The following RSF1 variants were observed in gnomAD, a reference collection of about 807,000 sequenced individuals.
RSF1 encodes HBV pX-associated protein 8.
A neutral mutation model predicts 145.2 loss-of-function variants in RSF1; 13 were observed. The ratio of observed to expected loss-of-function variants is 0.09; its 90% CI spans 0.06 to 0.14. The LOEUF (loss-of-function observed/expected upper bound fraction) is 0.14, where lower values mean the gene tolerates loss of function less well. RSF1 is among the 10% of genes least tolerant of loss of function. The pLI, the probability that RSF1 is intolerant of heterozygous loss-of-function variation, is 1.00. For missense variants in RSF1, 1,517 were observed against 1,718.2 expected, an observed-to-expected ratio of 0.88 and a Z score of 2.07; for synonymous variants, 577 against 592.6, an observed-to-expected ratio of 0.97 and a Z score of 0.38.
intron 2 of RSF1, among the ~76,000 whole-genome samples, chr11:77,755,280 G>GT (rs930954297): frequency 1.1e-4 from 16 of 152,328 alleles, no homozygotes; most frequent in Admixed American, 7.2e-4. Context: ...TCAGAGAGAA[G>GT]TAAGCTGTGG....
chr11:77,739,314 A>G (rs1173855363), intron 4 of RSF1: 1 of 152,668 alleles, frequency 6.6e-6, no homozygotes, highest in Non-Finnish European at 1.5e-5. Context: ...CTTCATCTAC[A>G]AAGAAGAAAA....
At chr11:77,820,397 C>T (rs963037122) in intron 1 of RSF1, 131 bp downstream of exon 1, 31 of 975,820 alleles carry the variant, frequency 3.2e-5, no homozygotes, top group Non-Finnish European at 4.4e-5. Context: ...ACCAGCCCGG[C>T]GGAGTTGCGT....
Position 77,676,967 on chromosome 11 carries a change from T to C in RSF1, c.3166A>G (p.Thr1056Ala). ...GAGATGTCTTTCCCACGATGACCTG[T>C]GATGGTGGAGATATCTTTTCCTCGG... is the stretch of plus-strand genomic sequence containing the variant. The part of the protein sequence containing the change: ...VGRGKDISTI[T>A]GHRGKDISTI... The change falls in exon 13 of 16, where the codon ACA becomes GCA. Residue 1056 changes from threonine to alanine, a missense_variant. Thr to Ala is a moderately conservative substitution (Grantham distance 58, BLOSUM62 0). Coordinates refer to ENST00000308488, the MANE Select transcript of RSF1 (RefSeq NM_016578.4). 1 of 1,613,562 alleles carries C rather than the reference T, an allele frequency of 6.2e-7. No individual in the cohort carries two copies. Among genetic ancestry groups the C allele is most frequent in the Non-Finnish European group, 8.5e-7 (1 of 1,179,726 alleles).
intron 5 of RSF1, among the ~76,000 whole-genome samples, chr11:77,718,602 G>T (rs1484423345): frequency 6.6e-6 from 1 of 152,180 alleles, no homozygotes; most frequent in Non-Finnish European, 1.5e-5. Flanking sequence ...TATGGTTAAA[G>T]AATTCTCACA....
intron 1 of RSF1, among the ~76,000 whole-genome samples, chr11:77,797,527 A>C (rs565561531): frequency 1.3e-5 from 2 of 152,308 alleles, no homozygotes; most frequent in Admixed American, 6.5e-5. Flanking sequence ...TGGATCAAAG[A>C]CTTAAATGTG....
At chr11:77,676,130 TCTCATAC>T (rs770209592) in intron 13 of RSF1, among the ~76,000 whole-genome samples, 4 of 152,212 alleles carry the variant, frequency 2.6e-5, no homozygotes, top group Admixed American at 6.5e-5. Flanking sequence ...CTGCTTTTAG[TCTCATAC>T]TTGTTGATTC....
intron 4 of RSF1, among the ~76,000 whole-genome samples, chr11:77,726,799 TCCTTTC>T (rs1961064710): frequency 6.6e-6 from 1 of 152,178 alleles, no homozygotes; most frequent in Non-Finnish European, 1.5e-5. Context: ...GCTCCTACCC[TCCTTTC>T]CCTTTCCAAT....
At chr11:77,721,510 T>C (rs1036940316) in intron 5 of RSF1, among the ~76,000 whole-genome samples, 3 of 152,192 alleles carry the variant, frequency 2.0e-5, no homozygotes, top group African/African-American at 7.2e-5. Context: ...TTTTGAATAT[T>C]AGGTCTGCCA....
At chr11:77,729,344 G>A (rs921119764) in intron 4 of RSF1, among the ~76,000 whole-genome samples, 2 of 152,076 alleles carry the variant, frequency 1.3e-5, no homozygotes, top group African/African-American at 2.4e-5. Flanking sequence ...TTTAGTTTTG[G>A]GCAGACTGGT....
In RSF1 at chr11:77,769,119, G is replaced by A. The variant is rs558915469; in HGVS notation, c.188-4430C>T. Among the ~76,000 whole-genome samples, 439 of 152,086 alleles carry A rather than the reference G, an allele frequency of 2.9e-3. 5 individuals carry two copies. The highest frequency in any genetic ancestry group is 0.01 in the African/African-American group (418 of 41,508). On this transcript the variant is annotated intron_variant, in intron 1 of 15. Transcript: ENST00000308488. Reference sequence around the variant, plus strand: ...GTCGCCCAGGCTGGAGTGCAGTGGCGCAATCTCAGCTCACTAGAACCTCCA... The same window carrying A: ...GTCGCCCAGGCTGGAGTGCAGTGGCACAATCTCAGCTCACTAGAACCTCCA...
In RSF1 at chr11:77,666,475, T is replaced by C. The variant is rs1365537748; in HGVS notation, c.*442A>G. On this transcript the variant is annotated 3_prime_UTR_variant, in exon 16 of 16. Transcript: ENST00000308488. ...TGTAAATCATCATCTATGCCATGAA[T>C]GTTTAAATATAATATATATTTAATA... 4 of 152,680 alleles carry C rather than the reference T, an allele frequency of 2.6e-5. No homozygotes were observed. The highest frequency in any genetic ancestry group is 9.7e-5 in the African/African-American group (4 of 41,434). 9.5% of individuals were successfully genotyped at this position (152,680 alleles called of 1,614,324 possible). A position where few individuals can be genotyped will look rare whatever the true frequency, so the allele number is the denominator to read the frequency against.
At chr11:77,682,372 G>A (rs941857124) in intron 11 of RSF1, among the ~76,000 whole-genome samples, 1 of 152,104 alleles carries the variant, frequency 6.6e-6, no homozygotes, top group African/African-American at 2.4e-5. Flanking sequence ...CTGATTTGGT[G>A]TTATCCCAGC....
At chr11:77,792,737 GAAA>G (rs35297116) in intron 1 of RSF1, among the ~76,000 whole-genome samples, 1 of 129,988 alleles carries the variant, frequency 7.7e-6, no homozygotes, top group Admixed American at 7.8e-5. Context: ...TCAAAGGTCT[GAAA>G]AAAAAAAAAA....
At chr11:77,725,285 A>G (rs530669157) in intron 5 of RSF1, among the ~76,000 whole-genome samples, 23 of 152,350 alleles carry the variant, frequency 1.5e-4, no homozygotes, top group Middle Eastern at 3.4e-3. Flanking sequence ...ATGTCTTCAC[A>G]TTCCTTAGTA....
the RSF1 span, among the ~76,000 whole-genome samples, chr11:77,842,014 C>A: frequency 3.9e-5 from 6 of 152,278 alleles, no homozygotes; most frequent in Middle Eastern, 3.4e-3. Flanking sequence ...TTGTTCCAGG[C>A]AAGAACAACA....
chr11:77,749,693 C>G lies in RSF1; in HGVS notation c.280-2565G>C, dbSNP rs142145233. Reference sequence around the variant, plus strand: ...CACTGTTTAACTTAAATTTACTGACCTTTATTTATAACATTTAGGGTACAT... The same window carrying G: ...CACTGTTTAACTTAAATTTACTGACGTTTATTTATAACATTTAGGGTACAT... On this transcript the variant is annotated intron_variant, in intron 2 of 15. Transcript: ENST00000308488. 3.3e-3 allele frequency among the ~76,000 whole-genome samples: 504 copies of G among 152,178 alleles called. 1 individual carries two copies. Among genetic ancestry groups the G allele is most frequent in the South Asian group, 8.3e-3 (40 of 4,822 alleles).
At chr11:77,856,303 T>C in the RSF1 span, among the ~76,000 whole-genome samples, 1 of 152,310 alleles carries the variant, frequency 6.6e-6, no homozygotes, top group Middle Eastern at 3.4e-3. Context: ...TGGACTTCAC[T>C]GTCCATTTCA....
rs539097804 is a variant in RSF1, at chr11:77,698,075, C to T, written c.2715+412G>A. 2.0e-3 allele frequency among the ~76,000 whole-genome samples: 308 copies of T among 152,286 alleles called. 1 individual carries two copies. Among genetic ancestry groups the T allele is most frequent in the African/African-American group, 7.2e-3 (301 of 41,560 alleles). On this transcript the variant is annotated intron_variant, in intron 7 of 15. Transcript: ENST00000308488. ...TGCTGCCCAGGCTGCATTTGAATTA[C>T]TGGGCTCAAATCCTCCTACCTCAGC...
chr11:77,674,924 G>A (rs558579357), intron 14 of RSF1, 112 bp downstream of exon 14: 110 of 783,682 alleles, frequency 1.4e-4, no homozygotes, highest in South Asian at 2.5e-4. Flanking sequence ...GCTTGAACCC[G>A]GGACACAGAG....
Sources: gnomAD v4.1 joint callset for allele counts (sites outside exome capture counted in the v4.1 genomes callset) on GRCh38, gnomAD v4.1.1 for gene constraint, MANE v1.5 for transcripts, NCBI Gene and HGNC (gene_info 2026-07-23, HGNC 2026-07-21) for gene names.